Variants in CC2D2A observed in about 807,000 individuals in gnomAD.
CC2D2A encodes the protein coiled-coil and C2 domain containing 2A.
Under a neutral mutation model 212.9 loss-of-function variants are expected in CC2D2A, and 155 were observed. The ratio of observed to expected loss-of-function variants is 0.73; its 90% confidence interval spans 0.64 to 0.83. CC2D2A has a LOEUF of 0.83. Among genes scored for constraint, CC2D2A ranks in the 40% least tolerant of loss-of-function variants. CC2D2A has a pLI of 0.00. For missense variants in CC2D2A, 1,856 were observed against 1,956.2 expected, an observed-to-expected ratio of 0.95 and a Z score of 0.97; for synonymous variants, 667 against 686.5, an observed-to-expected ratio of 0.97 and a Z score of 0.44.
In CC2D2A at chr4:15,511,400, G is replaced by A; in HGVS notation, c.694G>A (p.Ala232Thr). ...EEEGEEEEPP[A>T]QGGGKEMDEE... ...GGAAGGGGAAGAAGAAGAACCACCTGCACAAGGAGGAGGAAAGGAAATGGT... is the reference window on the plus strand; with the variant it reads ...GGAAGGGGAAGAAGAAGAACCACCTACACAAGGAGGAGGAAAGGAAATGGT... Residue 232 changes from alanine to threonine, a missense_variant, in exon 8 of 37, where the codon GCA becomes ACA. Coordinates refer to ENST00000424120, the MANE Select transcript of CC2D2A (RefSeq NM_001378615.1). 1.3e-6 allele frequency: 2 copies of A among 1,550,104 alleles called. No individual in the cohort carries two copies. Among genetic ancestry groups the A allele is most frequent in the Non-Finnish European group, 8.6e-7 (1 of 1,156,746 alleles).
rs899051692 is a variant in CC2D2A at position 15,469,964 on chromosome 4, C to A, written c.-112C>A. ...CATCTCCAACACTCAGCCTTTCCCTCCGGACCCTTTTAAAAGATTCAACAG... is the reference window on the plus strand; with the variant it reads ...CATCTCCAACACTCAGCCTTTCCCTACGGACCCTTTTAAAAGATTCAACAG... On this transcript the variant is annotated 5_prime_UTR_variant, in exon 1 of 37. Coordinates refer to ENST00000424120, the MANE Select transcript of CC2D2A (RefSeq NM_001378615.1). 4 of 152,228 alleles carry A rather than the reference C, an allele frequency of 2.6e-5. No individual in the cohort carries two copies. Among genetic ancestry groups the A allele is most frequent in the African/African-American group, 7.2e-5 (3 of 41,446 alleles). The allele number at this position is 152,228 out of a possible 1,614,324, so 9.4% of individuals were successfully genotyped here.
chr4:15,599,436 T>A (rs1329969007), intron 35 of CC2D2A, 93 bp from the exon 36 acceptor site: 1 of 765,236 alleles, frequency 1.3e-6, no homozygotes, highest in African/African-American at 1.8e-5. Context: ...AATATAGTTA[T>A]ACAATCATCT....
chr4:15,563,194 C>T (rs930997330), intron 23 of CC2D2A, among the ~76,000 whole-genome samples, 161 bp from the exon 24 acceptor site: 1 of 152,310 alleles, frequency 6.6e-6, no homozygotes, highest in East Asian at 1.9e-4. Context: ...TAGGATCTCG[C>T]CCATTTGGGA....
Position 15,481,460 on chromosome 4 carries a change from G to A in CC2D2A, c.247+633G>A, listed in dbSNP as rs1174227546. 2.2e-5 allele frequency: 7 copies of A among 321,492 alleles called. No individual in the cohort carries two copies. In the East Asian group the frequency reaches 4.9e-4, roughly 22 times the overall value. 19.9% of individuals were successfully genotyped at this position (321,492 alleles called of 1,614,324 possible). A position where few individuals can be genotyped will look rare whatever the true frequency, so the allele number is the denominator to read the frequency against. ...TGGGAGGTGGAGGTTGCAGTGAGCCGAGATCGGAGCACTGCACTCCAGCCT... is the reference window on the plus strand; with the variant it reads ...TGGGAGGTGGAGGTTGCAGTGAGCCAAGATCGGAGCACTGCACTCCAGCCT... On this transcript the variant is annotated intron_variant, in intron 4 of 36. Coordinates refer to ENST00000424120, the MANE Select transcript of CC2D2A (RefSeq NM_001378615.1).
chr4:15,590,832 G>A (rs1038873223), intron 33 of CC2D2A, among the ~76,000 whole-genome samples: 5 of 152,102 alleles, frequency 3.3e-5, no homozygotes, highest in Non-Finnish European at 5.9e-5. Context: ...CACATCCTGC[G>A]TTCATGCGAT....
intron 17 of CC2D2A, among the ~76,000 whole-genome samples, chr4:15,544,857 A>G (rs895980188): frequency 6.6e-6 from 1 of 152,256 alleles, no homozygotes; most frequent in African/African-American, 2.4e-5. Flanking sequence ...ATACTATGAA[A>G]TAAATTTTTA....
chr4:15,563,124 A>G (rs1719695535), intron 23 of CC2D2A, among the ~76,000 whole-genome samples: 1 of 152,256 alleles, frequency 6.6e-6, no homozygotes, highest in Non-Finnish European at 1.5e-5. Context: ...TAAGGGCCAG[A>G]GCATGGCTTC....
intron 29 of CC2D2A, among the ~76,000 whole-genome samples, chr4:15,579,338 A>AG: frequency 1.3e-5 from 2 of 152,272 alleles, no homozygotes; most frequent in East Asian, 3.9e-4. Flanking sequence ...CAAAAAAAAA[A>AG]AAGTCTGGGA....
At position 15,511,296 on chromosome 4, in the gene CC2D2A, T is replaced by C. The variant is rs200761243; in HGVS notation, c.590T>C (p.Phe197Ser). ...SAEEAYNFFTFNFDPEPEGSE... is the reference protein window; with the variant it reads ...SAEEAYNFFTSNFDPEPEGSE... ...GAAGAGGCCTATAACTTCTTTACTT[T>C]CAACTTTGATCCCGAACCAGAAGGA... is the stretch of plus-strand genomic sequence containing the variant. Residue 197 changes from phenylalanine to serine, a missense_variant, in exon 8 of 37, where the codon TTC becomes TCC. Transcript: ENST00000424120. 2.9e-5 allele frequency: 46 copies of C among 1,600,864 alleles called. No individual in the cohort carries two copies. The highest frequency in any genetic ancestry group is 3.5e-5 in the Non-Finnish European group (41 of 1,174,882).
intron 3 of CC2D2A, 132 bp downstream of exon 3, chr4:15,478,938 G>A (rs146065951): frequency 5.3e-6 from 4 of 754,242 alleles, no homozygotes; most frequent in South Asian, 1.8e-5. Context: ...GCTCTGGGGG[G>A]CTGTGAGGCG....
At chr4:15,480,960 A>C (rs942098564) in intron 4 of CC2D2A, 133 bp downstream of exon 4, 1 of 1,067,094 alleles carries the variant, frequency 9.4e-7, no homozygotes, top group Non-Finnish European at 1.3e-6. Flanking sequence ...CTTTACCCCA[A>C]CTTGGTGAGT....
chr4:15,532,356 C>T (rs1452589584), intron 13 of CC2D2A, among the ~76,000 whole-genome samples: 1 of 152,186 alleles, frequency 6.6e-6, no homozygotes, highest in South Asian at 2.1e-4. Flanking sequence ...CACGTACAAC[C>T]TCCAGACTTA....
intron 24 of CC2D2A, chr4:15,563,742 G>A (rs376338716): frequency 8.0e-5 from 44 of 549,764 alleles, no homozygotes; most frequent in Middle Eastern, 9.8e-4. Context: ...CAAATAACTC[G>A]GACAAGAGGT....
At chr4:15,586,096 G>A in intron 30 of CC2D2A, 61 bp from the exon 31 acceptor site, 1 of 1,107,696 alleles carries the variant, frequency 9.0e-7, no homozygotes, top group Non-Finnish European at 1.4e-6. Flanking sequence ...AAATGAGGTA[G>A]GGGATGCAGC....
At chr4:15,548,151 A>C (rs562964676) in intron 17 of CC2D2A, among the ~76,000 whole-genome samples, 1 of 151,864 alleles carries the variant, frequency 6.6e-6, no homozygotes, top group Non-Finnish European at 1.5e-5. Flanking sequence ...GTCAGATAGA[A>C]TCCGTTTTTT....
At chr4:15,588,892 A>C (rs1199458143) in intron 32 of CC2D2A, among the ~76,000 whole-genome samples, 1 of 151,640 alleles carries the variant, frequency 6.6e-6, no homozygotes, top group South Asian at 2.1e-4. Context: ...AACAATAATA[A>C]ATAAATAATA....
chr4:15,519,509 A>G, intron 11 of CC2D2A: 1 of 450,026 alleles, frequency 2.2e-6, no homozygotes, highest in South Asian at 1.6e-5. Context: ...TTTCAGTAGT[A>G]CTGCACTTCT....
intron 4 of CC2D2A, among the ~76,000 whole-genome samples, chr4:15,498,054 G>A (rs1369528629): frequency 6.6e-6 from 1 of 152,212 alleles, no homozygotes; most frequent in Non-Finnish European, 1.5e-5. Flanking sequence ...GAAAAATGGA[G>A]AGTGTCCACT....
chr4:15,500,107 G>GTGTGTGTATATATATATATATA (rs1479141284), intron 4 of CC2D2A, among the ~76,000 whole-genome samples: 4 of 112,930 alleles, frequency 3.5e-5, no homozygotes, highest in Non-Finnish European at 7.0e-5. Context: ...GTGTGTGTGT[G>GTGTGTGTATATATATATATATA]TATATATATA....
Sources: allele counts gnomAD v4.1 joint callset (sites outside exome capture counted in the v4.1 genomes callset), GRCh38; gene constraint gnomAD v4.1.1; transcripts MANE v1.5; gene names NCBI Gene and HGNC (gene_info 2026-07-23, HGNC 2026-07-21).